The following CDC42BPB variants were observed in gnomAD, a reference collection of about 807,000 sequenced individuals.
CDC42BPB encodes CDC42 binding protein kinase beta.
CDC42BPB carries 37 observed loss-of-function variants against 214.9 expected under a neutral mutation model. The ratio of observed to expected loss-of-function variants is 0.17; its 90% CI spans 0.13 to 0.23. CDC42BPB has a LOEUF of 0.23. Ranked by LOEUF, CDC42BPB falls within the 10% of genes least tolerant of loss-of-function variation. CDC42BPB has a pLI of 1.00. For synonymous variants in CDC42BPB, 931 were observed against 884.0 expected (o/e 1.05, Z -0.94); for missense variants, 1,694 against 2,227.0 (o/e 0.76, Z 4.82).
chr14:103,050,821 G>A (rs2139783136), intron 1 of CDC42BPB, among the ~76,000 whole-genome samples: 1 of 152,128 alleles, frequency 6.6e-6, no homozygotes, highest in East Asian at 1.9e-4. Flanking sequence ...GGAGGTCAGG[G>A]AAATCATCAC....
At chr14:102,966,978 A>T in intron 17 of CDC42BPB, 68 bp downstream of exon 17, 1 of 1,554,968 alleles carries the variant, frequency 6.4e-7, no homozygotes, top group Non-Finnish European at 8.8e-7. Flanking sequence ...CAGGCAGAAG[A>T]GGCGGGGCAG....
chr14:102,976,992 C>T (rs1413798612), intron 9 of CDC42BPB, among the ~76,000 whole-genome samples: 2 of 152,168 alleles, frequency 1.3e-5, no homozygotes, highest in African/African-American at 2.4e-5. Flanking sequence ...GGCTTATGGG[C>T]TGTTTAACCC....
rs542991422 is a variant in CDC42BPB at position 102,950,459 on chromosome 14, C to T, written c.3309+7G>A. 30 of 1,612,598 alleles carry T rather than the reference C, an allele frequency of 1.9e-5. No homozygotes were observed. Among genetic ancestry groups the T allele is most frequent in the South Asian group, 5.5e-5 (5 of 91,040 alleles). On this transcript the variant is annotated splice_region_variant and intron_variant, in intron 25 of 36. Transcript: ENST00000361246. ...CGAGGGCTGAGGGCGGAGATGAAGC[C>T]GCCTACCTTGACATGGCCTTTGTAG...
In CDC42BPB at chr14:102,972,296, G is replaced by A. The variant is rs1322960715; in HGVS notation, c.1642-135C>T. The A allele has an allele frequency of 6.0e-6, 9 of 1,498,668 alleles. No individual in the cohort carries two copies. The East Asian group carries it at 2.1e-4, about 34-fold the overall frequency. 92.8% of individuals were successfully genotyped at this position (1,498,668 alleles called of 1,614,324 possible). On this transcript the variant is annotated intron_variant, in intron 12 of 36. Coordinates refer to ENST00000361246, the MANE Select transcript of CDC42BPB (RefSeq NM_006035.4). ...TTACAGATTAGAGCCACAGATCTGA[G>A]CTGCTTGGAAAAAGACCTGTGCTCT...
At chr14:102,997,262 G>A (rs17101146) in intron 5 of CDC42BPB, among the ~76,000 whole-genome samples, 28,000 of 152,046 alleles carry the variant, frequency 0.18, 5,099 homozygotes, top group African/African-American at 0.47. Flanking sequence ...TGATGCCTGC[G>A]AAGTCCCAAG....
chr14:103,057,385 C>T lies in CDC42BPB; in HGVS notation c.-212G>A. On this transcript the variant is annotated 5_prime_UTR_variant, in exon 1 of 37. The change abolishes an upstream ATG in the 5' untranslated region. Coordinates refer to ENST00000361246, the MANE Select transcript of CDC42BPB (RefSeq NM_006035.4). ...TCTGGGGCGCCGGGCCCCGCGGGTC[C>T]ATGGGCCGCTCTCCTCCCCTCGGCG... The T allele has an allele frequency of 1.1e-6, 1 of 932,024 alleles. No homozygotes were observed. The highest frequency in any genetic ancestry group is 1.3e-6 in the Non-Finnish European group (1 of 779,136). 57.7% of individuals were successfully genotyped at this position (932,024 alleles called of 1,614,324 possible).
At chr14:102,999,893 C>G (rs1366550369) in intron 4 of CDC42BPB, 180 bp from the exon 5 acceptor site, 1 of 985,418 alleles carries the variant, frequency 1.0e-6, no homozygotes, top group African/African-American at 1.7e-5. Context: ...GCGTCCACGA[C>G]GCCGCCATCT....
intron 20 of CDC42BPB, 130 bp from the exon 21 acceptor site, chr14:102,959,840 A>T: frequency 4.7e-6 from 3 of 635,040 alleles, no homozygotes; most frequent in Admixed American, 5.9e-5. Context: ...ATCACAATTA[A>T]AAAAAAAAAA....
At position 102,938,344 on chromosome 14, in the gene CDC42BPB, G is replaced by A. The variant is rs773328858; in HGVS notation, c.4895C>T (p.Pro1632Leu). The change falls in exon 35 of 37, where the codon CCA becomes CTA. Residue 1632 changes from proline to leucine, a missense_variant. Physicochemically the swap from Pro to Leu is moderately conservative, Grantham distance 98. This residue lies in a region of CDC42BPB where 146 missense variants were observed against 134.1 expected (regional missense o/e 1.09). Transcript: ENST00000361246. The part of the protein sequence containing the change: ...PAPTNLARQP[P>L]SRNKPYISWP... Reference sequence around the variant, plus strand: ...CGAGATGTAGGGCTTGTTCCTGGATGGAGGCTGGCGAGCCAGGTTGGTGGG... The same window carrying A: ...CGAGATGTAGGGCTTGTTCCTGGATAGAGGCTGGCGAGCCAGGTTGGTGGG... 7.5e-6 allele frequency: 12 copies of A among 1,601,062 alleles called. No individual in the cohort carries two copies. Among genetic ancestry groups the A allele is most frequent in the Non-Finnish European group, 1.0e-5 (12 of 1,174,562 alleles).
At chr14:103,009,316 C>T (rs1363133282) in intron 2 of CDC42BPB, among the ~76,000 whole-genome samples, 2 of 152,214 alleles carry the variant, frequency 1.3e-5, no homozygotes, top group South Asian at 2.1e-4. Flanking sequence ...TGCCATTCAC[C>T]AGGCACATTC....
At chr14:102,940,672 G>T in intron 30 of CDC42BPB, 1 of 348,484 alleles carries the variant, frequency 2.9e-6, no homozygotes, top group Admixed American at 4.1e-5. Context: ...CAACACTTTG[G>T]AAATTCAGGT....
chr14:102,934,039 G>C, intron 36 of CDC42BPB, 196 bp from the exon 37 acceptor site: 1 of 1,345,914 alleles, frequency 7.4e-7, no homozygotes, highest in Non-Finnish European at 9.5e-7. Context: ...ACAAATTGAT[G>C]TCTAATCCCA....
intron 21 of CDC42BPB, among the ~76,000 whole-genome samples, chr14:102,955,364 G>T (rs1182562558): frequency 6.6e-6 from 1 of 152,202 alleles, no homozygotes; most frequent in East Asian, 1.9e-4. Flanking sequence ...AGGTTGCAGT[G>T]AGCCGAGATC....
rs35582397 is a variant in CDC42BPB at position 102,973,073 on chromosome 14, C to T, written c.1642-912G>A. On this transcript the variant is annotated intron_variant, in intron 12 of 36. Transcript: ENST00000361246. ...CTGGTCAACTATCTGGCAGTTCAGT[C>T]ACTGTCACACCTGCTGGTCTGAGAT... Among the ~76,000 whole-genome samples the T allele has an allele frequency of 2.7e-3, 414 of 152,334 alleles. 3 individuals are homozygous for T. Among genetic ancestry groups the T allele is most frequent in the African/African-American group, 9.7e-3 (404 of 41,578 alleles).
chr14:103,039,001 G>A (rs1393431369), intron 1 of CDC42BPB, among the ~76,000 whole-genome samples: 1 of 152,094 alleles, frequency 6.6e-6, no homozygotes, highest in East Asian at 1.9e-4. Context: ...ATGAACAACT[G>A]TATGCCAACA....
At chr14:102,978,625 A>G (rs1397901586) in intron 8 of CDC42BPB, among the ~76,000 whole-genome samples, 1 of 152,254 alleles carries the variant, frequency 6.6e-6, no homozygotes, top group Non-Finnish European at 1.5e-5. Flanking sequence ...AAGAGGCCCC[A>G]AGGCAAAAAG....
At position 102,975,943 on chromosome 14, in the gene CDC42BPB, A is replaced by T; in HGVS notation, c.1327T>A (p.Tyr443Asn). 6.2e-7 allele frequency: 1 copy of T among 1,614,152 alleles called. No individual in the cohort carries two copies. The highest frequency in any genetic ancestry group is 8.5e-7 in the Non-Finnish European group (1 of 1,180,016). Residue 443 changes from tyrosine (Y) to asparagine (N), a missense_variant, in exon 10 of 37, where the codon TAC becomes AAC. Transcript: ENST00000361246. ...TCCAGCCTCCGAATCCTCCTCTCGT[A>T]AGCTTCCATCTGCAGGCTGTGCTCC... ...DLEHSLQMEA[Y>N]ERRIRRLEQE...
At chr14:102,950,316 G>T in intron 25 of CDC42BPB, 150 bp downstream of exon 25, 1 of 1,108,640 alleles carries the variant, frequency 9.0e-7, no homozygotes, top group Non-Finnish European at 1.3e-6. Flanking sequence ...CGACCTGATG[G>T]CCTCAGTGCC....
At chr14:103,049,327 T>C (rs1008371898) in intron 1 of CDC42BPB, among the ~76,000 whole-genome samples, 4 of 152,344 alleles carry the variant, frequency 2.6e-5, no homozygotes, top group Admixed American at 6.5e-5. Context: ...CCGTCTCAGA[T>C]GGTGGCCTGA....
Sources: allele counts gnomAD v4.1 joint callset (sites outside exome capture counted in the v4.1 genomes callset), GRCh38; gene constraint gnomAD v4.1.1; regional missense constraint gnomAD v4.1.1; transcripts MANE v1.5; gene names NCBI Gene and HGNC (gene_info 2026-07-23, HGNC 2026-07-21).